QRICH1: variants seen among roughly 807,000 people sequenced by gnomAD.
QRICH1 encodes the protein transcriptional regulator QRICH1.
Under a neutral mutation model 87.1 loss-of-function variants are expected in QRICH1, and 16 were observed. The ratio of observed to expected loss-of-function variants is 0.18; its 90% CI spans 0.12 to 0.28. QRICH1 has a LOEUF of 0.28. QRICH1 is among the 10% of genes least tolerant of loss of function. The pLI is 1.00. For missense variants in QRICH1, 647 were observed against 951.7 expected (o/e 0.68, Z 4.21); for synonymous variants, 367 against 368.4 (o/e 1.00, Z 0.05).
At chr3:49,059,885 CTTTT>C (rs560174243) in intron 2 of QRICH1, among the ~76,000 whole-genome samples, 12 of 139,656 alleles carry the variant, frequency 8.6e-5, no homozygotes, top group African/African-American at 1.6e-4. Flanking sequence ...ATCCAGCTAA[CTTTT>C]TTTTTTTTTT....
intron 3 of QRICH1, among the ~76,000 whole-genome samples, chr3:49,050,248 C>CAA (rs527597101): frequency 0.076 from 3,976 of 52,324 alleles, 284 homozygotes; most frequent in Non-Finnish European, 0.11. Context: ...GACTCCGTCT[C>CAA]AAAAAAAAAA....
intron 2 of QRICH1, among the ~76,000 whole-genome samples, chr3:49,070,197 C>T (rs1336570625): frequency 2.6e-5 from 4 of 151,874 alleles, no homozygotes; most frequent in African/African-American, 9.7e-5. Context: ...CCAACATGCC[C>T]GGCTGATTTT....
intron 5 of QRICH1, 65 bp downstream of exon 5, chr3:49,046,360 C>G: frequency 1.4e-6 from 2 of 1,477,256 alleles, no homozygotes; most frequent in Non-Finnish European, 1.8e-6. Flanking sequence ...AATTTATTAA[C>G]TAAACTAGCA....
chr3:49,057,876 T>C lies in QRICH1; in HGVS notation c.324A>G (p.Val108=), dbSNP rs758638137. ...QPQQVQVQVQ[V]QQSPQQVSAQ... is the part of the protein sequence containing the mutation. ...CCGAGACCTGTTGCGGAGACTGCTG[T>C]ACCTGCACCTGGACCTGTAAGCAAC... Residue 108 remains valine, a synonymous_variant, in exon 3 of 10, where the codon GTA becomes GTG. Coordinates refer to ENST00000395443, the MANE Select transcript of QRICH1 (RefSeq NM_198880.3). This position sits in a 1 kb window ranked among gnomAD's most constrained non-coding sequence, Gnocchi z 5.4. 1 of 1,613,962 alleles carries C rather than the reference T, an allele frequency of 6.2e-7. No homozygotes were observed. Among genetic ancestry groups the C allele is most frequent in the Non-Finnish European group, 8.5e-7 (1 of 1,179,976 alleles).
At chr3:49,048,130 CTTTTTTTT>C (rs34861445) in intron 3 of QRICH1, among the ~76,000 whole-genome samples, 1 of 142,108 alleles carries the variant, frequency 7.0e-6, no homozygotes, top group African/African-American at 2.6e-5. Context: ...TTCTTTCTTT[CTTTTTTTT>C]TTTTTTGGCG....
chr3:49,090,808 A>ATCTAATG (rs2107059906), intron 1 of QRICH1, among the ~76,000 whole-genome samples: 1 of 152,330 alleles, frequency 6.6e-6, no homozygotes, highest in African/African-American at 2.4e-5. Flanking sequence ...CATCAATTTA[A>ATCTAATG]TAACAGAAAT....
intron 6 of QRICH1, among the ~76,000 whole-genome samples, chr3:49,042,541 G>T (rs2093316666): frequency 6.6e-6 from 1 of 151,964 alleles, no homozygotes; most frequent in African/African-American, 2.4e-5. Flanking sequence ...GGTTTTCAGG[G>T]TATCTGGGGG....
At chr3:49,067,066 T>A (rs1305660382) in intron 2 of QRICH1, among the ~76,000 whole-genome samples, 1 of 151,852 alleles carries the variant, frequency 6.6e-6, no homozygotes, top group Non-Finnish European at 1.5e-5. Context: ...TACTTATCAA[T>A]GCTCAAGCTT....
chr3:49,050,422 CAAAAAAAAAA>C (rs552220438), intron 3 of QRICH1, among the ~76,000 whole-genome samples: 2 of 58,616 alleles, frequency 3.4e-5, no homozygotes, highest in African/African-American at 1.7e-4. Flanking sequence ...GACTCTGTCT[CAAAAAAAAAA>C]AAAAAAAAAA....
At chr3:49,084,467 A>G (rs1356508065) in intron 1 of QRICH1, among the ~76,000 whole-genome samples, 2 of 151,632 alleles carry the variant, frequency 1.3e-5, no homozygotes, top group African/African-American at 2.4e-5. Flanking sequence ...GTTGGTCAGG[A>G]TGTACTCAAA....
intron 9 of QRICH1, among the ~76,000 whole-genome samples, chr3:49,030,959 C>G (rs1006378892): frequency 1.3e-5 from 2 of 151,400 alleles, no homozygotes; most frequent in African/African-American, 4.9e-5. Context: ...GCCAGCTTCA[C>G]TGCTCAAAGC....
chr3:49,043,207 A>G (rs1373791694), intron 6 of QRICH1, among the ~76,000 whole-genome samples: 2 of 151,992 alleles, frequency 1.3e-5, no homozygotes, highest in East Asian at 1.9e-4. Context: ...TAAAACATAA[A>G]GTCTATTGGC....
rs2093226129 is a variant in QRICH1 at position 49,030,191 on chromosome 3, AAG to A, written c.*259_*260del. Reference sequence around the variant, plus strand: ...CCCTTTCCCCAGGCCCCAGACAAAAAAGAGTCAGCCAGCAACTTTCTAGGACA... The same window carrying A: ...CCCTTTCCCCAGGCCCCAGACAAAAAAGTCAGCCAGCAACTTTCTAGGACA... On this transcript the variant is annotated 3_prime_UTR_variant, in exon 10 of 10. Transcript: ENST00000395443. The A allele has an allele frequency of 3.9e-6, 2 of 508,932 alleles. No individual in the cohort carries two copies. Among genetic ancestry groups the A allele is most frequent in the African/African-American group, 2.0e-5 (1 of 49,646 alleles). The allele number at this position is 508,932 out of a possible 1,614,324, so 31.5% of individuals were successfully genotyped here.
At chr3:49,078,825 G>A (rs1035853900) in intron 1 of QRICH1, among the ~76,000 whole-genome samples, 6 of 150,994 alleles carry the variant, frequency 4.0e-5, no homozygotes, top group Middle Eastern at 3.4e-3. Flanking sequence ...CCGAGTAGCT[G>A]GGACTACAGG....
intron 3 of QRICH1, among the ~76,000 whole-genome samples, chr3:49,054,311 G>A (rs933359986): frequency 1.8e-4 from 27 of 152,148 alleles, no homozygotes; most frequent in Admixed American, 4.6e-4. Flanking sequence ...AACAAAAGCT[G>A]AGCATAGAGA....
Position 49,057,416 on chromosome 3 carries a change from C to T in QRICH1, c.784G>A (p.Gly262Arg), listed in dbSNP as rs747447531. 1 of 1,614,128 alleles carries T rather than the reference C, an allele frequency of 6.2e-7. No homozygotes were observed. The highest frequency in any genetic ancestry group is 1.7e-5 in the Admixed American group (1 of 60,012). Residue 262 changes from glycine to arginine, a missense_variant, in exon 3 of 10, where the codon GGG (glycine) becomes AGG (arginine). Gly to Arg is a moderately radical substitution (Grantham distance 125, BLOSUM62 -2). Transcript: ENST00000395443. This position sits in a 1 kb window ranked among gnomAD's most constrained non-coding sequence, Gnocchi z 5.4. The stretch of plus-strand genomic sequence containing the variant: ...GCCAGCACGGTGGCCACCGGCTGCC[C>T]TGAGATGGCGTAGGACACAGTGATG... ...MPITVSYAIS[G>R]QPVATVLAIP...
chr3:49,057,535 G>C lies in QRICH1; in HGVS notation c.665C>G (p.Pro222Arg). 6.2e-7 allele frequency: 1 copy of C among 1,613,310 alleles called. No individual in the cohort carries two copies. The highest frequency in any genetic ancestry group is 8.5e-7 in the Non-Finnish European group (1 of 1,179,460). ...QIQTVGALSP[P>R]PSQQGSPREG... Reference sequence around the variant, plus strand: ...CCGGGGTGAGCCCTGCTGGGATGGTGGTGGGGAAAGGGCACCCACGGTCTG... The same window carrying C: ...CCGGGGTGAGCCCTGCTGGGATGGTCGTGGGGAAAGGGCACCCACGGTCTG... The change falls in exon 3 of 10, where the codon CCA becomes CGA. Residue 222 changes from proline (P) to arginine (R), a missense_variant. Physicochemically the swap from Pro to Arg is moderately radical, Grantham distance 103. This residue lies in a region of QRICH1 where 156 missense variants were observed against 164.5 expected (regional missense o/e 0.95). Coordinates refer to ENST00000395443, the MANE Select transcript of QRICH1 (RefSeq NM_198880.3). The surrounding 1 kb of genome is among the most constrained non-coding windows in gnomAD (Gnocchi z 5.4).
At chr3:49,031,727 C>A (rs1006803074) in intron 9 of QRICH1, among the ~76,000 whole-genome samples, 2 of 152,140 alleles carry the variant, frequency 1.3e-5, no homozygotes, top group Non-Finnish European at 2.9e-5. Context: ...GAACTAAGAG[C>A]TCCACAGACA....
At chr3:49,060,097 A>G (rs2093426338) in intron 2 of QRICH1, among the ~76,000 whole-genome samples, 1 of 151,336 alleles carries the variant, frequency 6.6e-6, no homozygotes, top group African/African-American at 2.4e-5. Flanking sequence ...GTTAGCCAGG[A>G]TGGTCTTGAT....
Sources: allele counts gnomAD v4.1 joint callset (sites outside exome capture counted in the v4.1 genomes callset), GRCh38; gene constraint gnomAD v4.1.1; regional missense constraint gnomAD v4.1.1; non-coding constraint Gnocchi (gnomAD v3.1); transcripts MANE v1.5; gene names NCBI Gene and HGNC (gene_info 2026-07-23, HGNC 2026-07-21).